Variants in CDH11 observed in about 807,000 individuals in gnomAD.
CDH11 encodes cadherin 11.
A neutral mutation model predicts 67.8 loss-of-function variants in CDH11; 11 were observed. The ratio of observed to expected loss-of-function variants is 0.16; its 90% CI spans 0.10 to 0.27. The LOEUF is 0.27. Among genes scored for constraint, CDH11 ranks in the 10% least tolerant of loss-of-function variants. CDH11 has a pLI of 1.00. For missense variants in CDH11, 847 were observed against 1,031.2 expected, an observed-to-expected ratio of 0.82 and a Z score of 2.45; for synonymous variants, 419 against 400.0, an observed-to-expected ratio of 1.05 and a Z score of -0.57.
chr16:65,021,241 A>T (rs257337), intron 2 of CDH11, among the ~76,000 whole-genome samples: 1 of 152,070 alleles, frequency 6.6e-6, no homozygotes, highest in South Asian at 2.1e-4. Flanking sequence ...CTGCAAAAGT[A>T]AAAAACACCA....
At chr16:65,115,476 T>A (rs1174335402) in intron 1 of CDH11, among the ~76,000 whole-genome samples, 2 of 152,046 alleles carry the variant, frequency 1.3e-5, no homozygotes, top group Non-Finnish European at 2.9e-5. Flanking sequence ...CCAAGTCTAT[T>A]TCAGACAGGG....
In CDH11 at chr16:64,991,943, G is replaced by A; in HGVS notation, c.644-8C>T. The A allele has an allele frequency of 6.3e-7, 1 of 1,582,682 alleles. No individual in the cohort carries two copies. Among genetic ancestry groups the A allele is most frequent in the Non-Finnish European group, 8.6e-7 (1 of 1,156,284 alleles). On this transcript the variant is annotated splice_polypyrimidine_tract_variant and splice_region_variant and intron_variant, in intron 5 of 12. Coordinates refer to ENST00000268603, the MANE Select transcript of CDH11 (RefSeq NM_001797.4). ...GGGCTGTTCTGATGATACCTGGACAGGTAAGCAGGCAACATCACAGATATT... is the reference window on the plus strand; with the variant it reads ...GGGCTGTTCTGATGATACCTGGACAAGTAAGCAGGCAACATCACAGATATT...
chr16:64,946,526 T>A lies in CDH11; in HGVS notation c.*1077A>T. The A allele has an allele frequency of 1.9e-6, 2 of 1,030,744 alleles. No individual in the cohort carries two copies. Among genetic ancestry groups the A allele is most frequent in the Middle Eastern group, 4.6e-4 (1 of 2,180 alleles). 63.8% of individuals were successfully genotyped at this position (1,030,744 alleles called of 1,614,324 possible). A position where few individuals can be genotyped will look rare whatever the true frequency, so the allele number is the denominator to read the frequency against. On this transcript the variant is annotated 3_prime_UTR_variant, in exon 13 of 13. Coordinates refer to ENST00000268603, the MANE Select transcript of CDH11 (RefSeq NM_001797.4). The stretch of plus-strand genomic sequence containing the variant: ...CCTAGTTCTTTCACATCCTTCTTTT[T>A]TAGAAGATGTGTGTGAAGAGAAGCC...
intron 4 of CDH11, among the ~76,000 whole-genome samples, chr16:64,996,473 G>C (rs2072768213): frequency 7.0e-6 from 1 of 141,894 alleles, no homozygotes; most frequent in African/African-American, 2.6e-5. Context: ...CTGGGCAACA[G>C]AGCGAGACTC....
intron 1 of CDH11, among the ~76,000 whole-genome samples, chr16:65,093,898 G>T (rs1038303691): frequency 1.3e-5 from 2 of 152,160 alleles, no homozygotes; most frequent in Non-Finnish European, 2.9e-5. Context: ...TTGAATATAT[G>T]TTCCTTGGAT....
At chr16:64,971,875 CACACT>C in intron 10 of CDH11, 51 bp downstream of exon 10, 9 of 1,591,656 alleles carry the variant, frequency 5.7e-6, no homozygotes, top group Non-Finnish European at 6.9e-6. Context: ...GTTTAAAAAA[CACACT>C]CTATTTCCAA....
intron 1 of CDH11, among the ~76,000 whole-genome samples, chr16:65,110,996 A>G (rs1040275564): frequency 1.3e-5 from 2 of 151,926 alleles, no homozygotes; most frequent in South Asian, 2.1e-4. Context: ...GTTTAACAAG[A>G]CTCTGTCCCT....
At chr16:65,100,602 G>A (rs1457804839) in intron 1 of CDH11, among the ~76,000 whole-genome samples, 6 of 151,878 alleles carry the variant, frequency 4.0e-5, no homozygotes, top group Non-Finnish European at 5.9e-5. Context: ...GCCGGGCGTC[G>A]TGGCGGGCGC....
At chr16:65,091,499 A>G (rs906636444) in intron 1 of CDH11, among the ~76,000 whole-genome samples, 11 of 152,084 alleles carry the variant, frequency 7.2e-5, no homozygotes, top group African/African-American at 2.7e-4. Flanking sequence ...CTGTTGTTAC[A>G]ATAGAAGAAA....
intron 1 of CDH11, among the ~76,000 whole-genome samples, chr16:65,100,713 G>A (rs1288159681): frequency 2.0e-5 from 3 of 150,398 alleles, no homozygotes; most frequent in Non-Finnish European, 3.0e-5. Flanking sequence ...ACTCCAGCCC[G>A]GGTGACAGAG....
At chr16:65,048,669 T>C (rs1206018820) in intron 2 of CDH11, among the ~76,000 whole-genome samples, 1 of 152,044 alleles carries the variant, frequency 6.6e-6, no homozygotes, top group Non-Finnish European at 1.5e-5. Context: ...TACATATATA[T>C]ACATATGTAT....
intron 2 of CDH11, among the ~76,000 whole-genome samples, chr16:65,044,128 G>A (rs1482659645): frequency 2.0e-5 from 3 of 152,182 alleles, no homozygotes; most frequent in Non-Finnish European, 4.4e-5. Flanking sequence ...GCAGCAGAAG[G>A]CAGGTGAATG....
intron 2 of CDH11, among the ~76,000 whole-genome samples, chr16:65,044,713 A>G (rs1016921993): frequency 6.6e-6 from 1 of 152,090 alleles, no homozygotes; most frequent in Non-Finnish European, 1.5e-5. Flanking sequence ...CCAGCAGCAC[A>G]ATATGGACAG....
intron 6 of CDH11, 113 bp downstream of exon 6, chr16:64,991,655 C>T (rs1410300214): frequency 7.8e-6 from 5 of 638,258 alleles, no homozygotes; most frequent in Non-Finnish European, 1.3e-5. Context: ...ATGAATTGCC[C>T]TTAGTTTTCT....
At position 64,950,791 on chromosome 16, in the gene CDH11, G is replaced by A; in HGVS notation, c.1870C>T (p.Leu624Phe). The A allele has an allele frequency of 6.2e-7, 1 of 1,614,114 alleles. No homozygotes were observed. The highest frequency in any genetic ancestry group is 8.5e-7 in the Non-Finnish European group (1 of 1,179,986). The change falls in exon 12 of 13, where the codon CTC becomes TTC. Residue 624 changes from leucine to phenylalanine, a missense_variant. Physicochemically the swap from Leu to Phe is conservative, Grantham distance 22 (BLOSUM62 0). Coordinates refer to ENST00000268603, the MANE Select transcript of CDH11 (RefSeq NM_001797.4). ...CCCAGGAGAATGACGATGCAGGCGA[G>A]GATGGCGATCAGGGCGCCTGTGCTC... ...GLSTGALIAI[L>F]ACIVILLVIV...
chr16:64,946,403 C>A lies in CDH11; in HGVS notation c.*1200G>T. The A allele has an allele frequency of 9.7e-7, 1 of 1,035,350 alleles. No homozygotes were observed. Among genetic ancestry groups the A allele is most frequent in the East Asian group, 6.0e-5 (1 of 16,772 alleles). 64.1% of individuals were successfully genotyped at this position (1,035,350 alleles called of 1,614,324 possible). On this transcript the variant is annotated 3_prime_UTR_variant, in exon 13 of 13. Coordinates refer to ENST00000268603, the MANE Select transcript of CDH11 (RefSeq NM_001797.4). ...ACCTGGAACATTAGAGTTCTGATAG[C>A]TCCATTCCCTCATGGATTCATCTCT...
Position 65,121,775 on chromosome 16 carries a change from C to A in CDH11, c.-298+105G>T. The stretch of plus-strand genomic sequence containing the variant: ...TCTCGACTCAGATACCACCGTCCCC[C>A]TCACCACCCCGCCCCGCCAAGACAT... On this transcript the variant is annotated intron_variant, in intron 1 of 12. Coordinates refer to ENST00000268603, the MANE Select transcript of CDH11 (RefSeq NM_001797.4). The surrounding 1 kb of genome is among the most constrained non-coding windows in gnomAD (Gnocchi z 4.1). 1 of 699,010 alleles carries A rather than the reference C, an allele frequency of 1.4e-6. No individual in the cohort carries two copies. The highest frequency in any genetic ancestry group is 1.5e-5 in the South Asian group (1 of 66,778). 43.3% of individuals were successfully genotyped at this position (699,010 alleles called of 1,614,324 possible).
intron 11 of CDH11, among the ~76,000 whole-genome samples, chr16:64,965,788 A>G (rs1365435817): frequency 6.8e-5 from 5 of 73,510 alleles, no homozygotes; most frequent in African/African-American, 2.0e-4. Context: ...ACACACACAC[A>G]CACACACACA....
chr16:65,100,565 C>T (rs1423222407), intron 1 of CDH11, among the ~76,000 whole-genome samples: 4 of 151,818 alleles, frequency 2.6e-5, no homozygotes, highest in South Asian at 2.1e-4. Flanking sequence ...GGTGAAACTC[C>T]GTCTCTACTA....
Sources: allele counts gnomAD v4.1 joint callset (sites outside exome capture counted in the v4.1 genomes callset), GRCh38; gene constraint gnomAD v4.1.1; non-coding constraint Gnocchi (gnomAD v3.1); transcripts MANE v1.5; gene names NCBI Gene and HGNC (gene_info 2026-07-23, HGNC 2026-07-21).